STARD6: variants seen among roughly 807,000 people sequenced by gnomAD.
STARD6 encodes stAR-related lipid transfer protein 6.
Under a neutral mutation model 22.3 loss-of-function variants are expected in STARD6, and 21 were observed. The observed-to-expected ratio is 0.94, with a 90% CI of 0.67 to 1.35. STARD6 has a LOEUF of 1.35. Among genes scored for constraint, STARD6 ranks in the 40% most tolerant of loss-of-function variants. STARD6 has a pLI of 0.00. For synonymous variants in STARD6, 80 were observed against 88.1 expected (o/e 0.91, Z 0.52); for missense variants, 269 against 266.9 (o/e 1.01, Z -0.05).
intron 4 of STARD6, among the ~76,000 whole-genome samples, chr18:54,347,726 AAT>A (rs970518004): frequency 7.0e-4 from 107 of 152,000 alleles, no homozygotes; most frequent in African/African-American, 2.3e-3. Context: ...TGTTCCTCCA[AAT>A]ATATCTACAC....
intron 5 of STARD6, among the ~76,000 whole-genome samples, chr18:54,335,166 G>GCTTA (rs2088896850): frequency 7.2e-6 from 1 of 139,066 alleles, no homozygotes. Context: ...CCCTCCAGGT[G>GCTTA]GTTATTTATT....
At chr18:54,354,959 T>C (rs2089131238) in intron 2 of STARD6, among the ~76,000 whole-genome samples, 1 of 152,260 alleles carries the variant, frequency 6.6e-6, no homozygotes, top group African/African-American at 2.4e-5. Context: ...GTGCCTGGCA[T>C]GCGATAGTCA....
intron 4 of STARD6, among the ~76,000 whole-genome samples, chr18:54,347,675 G>GA (rs1450509174): frequency 1.3e-5 from 2 of 151,962 alleles, no homozygotes; most frequent in African/African-American, 2.4e-5. Flanking sequence ...GGAAGATATT[G>GA]AACCAGGTTT....
intron 2 of STARD6, among the ~76,000 whole-genome samples, 157 bp from the exon 3 acceptor site, chr18:54,354,734 T>C (rs370049116): frequency 3.3e-5 from 5 of 152,394 alleles, no homozygotes; most frequent in African/African-American, 1.2e-4. Flanking sequence ...CCTCTCTCCT[T>C]ACAGTCTTTC....
intron 2 of STARD6, among the ~76,000 whole-genome samples, chr18:54,355,177 G>GA (rs1252536238): frequency 6.6e-6 from 1 of 152,062 alleles, no homozygotes; most frequent in East Asian, 1.9e-4. Flanking sequence ...TCTCCTGGCT[G>GA]TTCCTCACAT....
intron 4 of STARD6, among the ~76,000 whole-genome samples, chr18:54,350,028 G>C (rs574330217): frequency 9.0e-4 from 137 of 152,230 alleles, no homozygotes; most frequent in African/African-American, 3.2e-3. Flanking sequence ...TCAAATTGCA[G>C]TTCTACTCTT....
At chr18:54,348,199 A>G (rs1046703628) in intron 4 of STARD6, among the ~76,000 whole-genome samples, 4 of 152,170 alleles carry the variant, frequency 2.6e-5, no homozygotes, top group African/African-American at 7.2e-5. Flanking sequence ...ATGAACTAAT[A>G]CAACCTGTTT....
chr18:54,356,360 C>A lies in STARD6; in HGVS notation c.-5+1G>T, dbSNP rs1299438974. 6.6e-6 allele frequency: 1 copy of A among 152,206 alleles called. No individual in the cohort carries two copies. Among genetic ancestry groups the A allele is most frequent in the Admixed American group, 6.5e-5 (1 of 15,282 alleles). 9.4% of individuals were successfully genotyped at this position (152,206 alleles called of 1,614,324 possible). ...TCCTAGCAGAGTCCTGGTTTCTTTA[C>A]CTTTCCTGACAGATCTAATGCAGAA... On this transcript the variant is annotated splice_donor_variant, in intron 2 of 7. Transcript: ENST00000307844. LOFTEE classifies it low-confidence loss of function (5UTR_SPLICE).
chr18:54,336,468 A>T (rs1369220419), intron 5 of STARD6, among the ~76,000 whole-genome samples: 2 of 152,160 alleles, frequency 1.3e-5, no homozygotes, highest in African/African-American at 4.8e-5. Context: ...CCTCCCCACC[A>T]ATGCGGAACT....
chr18:54,349,506 T>C (rs1197924450), intron 4 of STARD6, among the ~76,000 whole-genome samples: 1 of 152,086 alleles, frequency 6.6e-6, no homozygotes, highest in African/African-American at 2.4e-5. Context: ...GATAAAATGT[T>C]TGGACTTATT....
At chr18:54,343,446 C>T (rs1446220087) in intron 4 of STARD6, among the ~76,000 whole-genome samples, 4 of 131,820 alleles carry the variant, frequency 3.0e-5, no homozygotes, top group Non-Finnish European at 6.6e-5. Flanking sequence ...CCCGGCCAGC[C>T]GCCCGGTCTG....
chr18:54,326,039 A>AT (rs1007220749), intron 7 of STARD6, among the ~76,000 whole-genome samples: 90 of 152,080 alleles, frequency 5.9e-4, no homozygotes, highest in African/African-American at 2.1e-3. Flanking sequence ...TTCCATATGC[A>AT]TTTTTTCCGT....
At chr18:54,336,761 T>A (rs1206207264) in intron 5 of STARD6, among the ~76,000 whole-genome samples, 1 of 152,204 alleles carries the variant, frequency 6.6e-6, no homozygotes, top group Non-Finnish European at 1.5e-5. Context: ...GATTGTAAGT[T>A]TCCTAATATC....
intron 4 of STARD6, among the ~76,000 whole-genome samples, chr18:54,342,201 T>C (rs561266105): frequency 3.3e-5 from 5 of 152,326 alleles, no homozygotes; most frequent in African/African-American, 1.2e-4. Context: ...CACATCTTAA[T>C]TATCTATAAC....
In STARD6 at chr18:54,329,399, A is replaced by T. The variant is rs1456458584; in HGVS notation, c.427T>A (p.Tyr143Asn). Reference protein sequence around the residue: ...DFPEYPPSSNYIRGYNHPCGF... With the variant: ...DFPEYPPSSNNIRGYNHPCGF... ...CAAGGATGGTTATAACCGCGGATATAATTTGAAGATGGAGGATATTCTGGA... is the reference window on the plus strand; with the variant it reads ...CAAGGATGGTTATAACCGCGGATATTATTTGAAGATGGAGGATATTCTGGA... The change falls in exon 7 of 8, where the codon TAT (tyrosine) becomes AAT (asparagine). Residue 143 changes from tyrosine (Y) to asparagine (N), a missense_variant. Tyr to Asn is a moderately radical substitution (Grantham distance 143). Coordinates refer to ENST00000307844, the MANE Select transcript of STARD6 (RefSeq NM_139171.2). 6.2e-7 allele frequency: 1 copy of T among 1,604,970 alleles called. No individual in the cohort carries two copies. The highest frequency in any genetic ancestry group is 1.7e-5 in the Admixed American group (1 of 58,404).
In STARD6 at chr18:54,353,651, C is replaced by T. The variant is rs368905918; in HGVS notation, c.140+403G>A. ...CTCCAGCCTGGTGACAGAGCAAGACCCTGTCTCAAGAAAATAAAATAAAAT... is the reference window on the plus strand; with the variant it reads ...CTCCAGCCTGGTGACAGAGCAAGACTCTGTCTCAAGAAAATAAAATAAAAT... On this transcript the variant is annotated intron_variant, in intron 4 of 7. Transcript: ENST00000307844. Among the ~76,000 whole-genome samples, 14 of 152,288 alleles carry T rather than the reference C, an allele frequency of 9.2e-5. No individual in the cohort carries two copies. In the East Asian group the frequency reaches 1.2e-3, roughly 13 times the overall value.
chr18:54,331,845 A>G lies in STARD6; in HGVS notation c.282T>C (p.Cys94=). 6.2e-7 allele frequency: 1 copy of G among 1,608,134 alleles called. No homozygotes were observed. Among genetic ancestry groups the G allele is most frequent in the Non-Finnish European group, 8.5e-7 (1 of 1,175,250 alleles). ...VHRIDSDTFI[C]HTITQSFAVG... ...CGGCAAAACTTTGTGTAATGGTATGACATATGAATGTGTCCTGCAACAAAT... is the reference window on the plus strand; with the variant it reads ...CGGCAAAACTTTGTGTAATGGTATGGCATATGAATGTGTCCTGCAACAAAT... The change falls in exon 6 of 8, where the codon TGT becomes TGC. Residue 94 remains cysteine (C), a synonymous_variant. Coordinates refer to ENST00000307844, the MANE Select transcript of STARD6 (RefSeq NM_139171.2).
In STARD6 at chr18:54,354,079, C is replaced by G. The variant is rs748047378; in HGVS notation, c.115G>C (p.Ala39Pro). 1.2e-5 allele frequency: 19 copies of G among 1,567,376 alleles called. No individual in the cohort carries two copies. The highest frequency in any genetic ancestry group is 2.3e-5 in the East Asian group (1 of 43,012). ...AGATTTCCATGGAATTTTCTAGAAG[C>G]CTTACTGGAAACAGTTATCTTTTTC... ...TSKKITVSSK[A>P]SRKFHGNLYR... Residue 39 changes from alanine to proline, a missense_variant, in exon 4 of 8, where the codon GCT (alanine) becomes CCT (proline). By Grantham distance (27) the Ala-to-Pro change is conservative. Transcript: ENST00000307844.
At chr18:54,337,067 A>C in intron 5 of STARD6, 58 bp downstream of exon 5, 1 of 1,439,092 alleles carries the variant, frequency 6.9e-7, no homozygotes, top group Non-Finnish European at 9.4e-7. Flanking sequence ...CAACTCACTA[A>C]GGTATAAACT....
Sources: gnomAD v4.1 joint callset for allele counts (sites outside exome capture counted in the v4.1 genomes callset) on GRCh38, gnomAD v4.1.1 for gene constraint, MANE v1.5 for transcripts, NCBI Gene and HGNC (gene_info 2026-07-23, HGNC 2026-07-21) for gene names.